The following LRRC72 variants were observed in gnomAD, a reference collection of about 807,000 sequenced individuals.
LRRC72 encodes the protein leucine rich repeat containing 72.
In LRRC72, 41 loss-of-function variants were observed where a neutral mutation model predicts 35.8. The observed-to-expected ratio is 1.15, with a 90% CI of 0.89 to 1.49. The LOEUF (loss-of-function observed/expected upper bound fraction) is 1.49. Ranked by LOEUF, LRRC72 falls within the 40% of genes most tolerant of loss-of-function variation. The pLI is 0.00. For missense variants in LRRC72, 389 were observed against 330.7 expected, an observed-to-expected ratio of 1.18 and a Z score of -1.37; for synonymous variants, 118 against 119.2, an observed-to-expected ratio of 0.99 and a Z score of 0.07.
intron 3 of LRRC72, among the ~76,000 whole-genome samples, chr7:16,547,285 AG>A (rs1392177163): frequency 3.3e-5 from 5 of 152,186 alleles, no homozygotes; most frequent in Admixed American, 3.3e-4. Flanking sequence ...CCACTGGTGG[AG>A]GAGCAGTGTG....
chr7:16,533,581 G>C (rs941064428), intron 2 of LRRC72, among the ~76,000 whole-genome samples: 1 of 151,992 alleles, frequency 6.6e-6, no homozygotes, highest in African/African-American at 2.4e-5. Flanking sequence ...TTCTTGTAAA[G>C]AAAATGCCTT....
At position 16,567,428 on chromosome 7, in the gene LRRC72, T is replaced by G. The variant is rs1447616615; in HGVS notation, c.555T>G (p.Ile185Met). Residue 185 changes from isoleucine (I) to methionine (M), a missense_variant, in exon 7 of 9, where the codon ATT (isoleucine) becomes ATG (methionine). Transcript: ENST00000401542. Reference sequence around the variant, plus strand: ...AAGAAAGAAGATCAATGATTACCATTTTTAACCATAAAAAGGCTCATATCG... The same window carrying G: ...AAGAAAGAAGATCAATGATTACCATGTTTAACCATAAAAAGGCTCATATCG... The part of the protein sequence containing the change: ...TEKERRSMIT[I>M]FNHKKAHIVQ... 7 of 1,515,152 alleles carry G rather than the reference T, an allele frequency of 4.6e-6. No individual in the cohort carries two copies. In the South Asian group the frequency reaches 9.0e-5, roughly 20 times the overall value. The allele number at this position is 1,515,152 out of a possible 1,614,324, so 93.9% of individuals were successfully genotyped here.
At chr7:16,537,823 A>T in intron 3 of LRRC72, 127 bp downstream of exon 3, 1 of 566,468 alleles carries the variant, frequency 1.8e-6, no homozygotes, top group South Asian at 2.6e-5. Context: ...TAAGAAACCC[A>T]TATAAAACAT....
chr7:16,568,509 G>A (rs1433313071), intron 7 of LRRC72, among the ~76,000 whole-genome samples: 1 of 152,076 alleles, frequency 6.6e-6, no homozygotes, highest in East Asian at 1.9e-4. Flanking sequence ...AGAAAGAGAA[G>A]GTCCAATATA....
intron 5 of LRRC72, among the ~76,000 whole-genome samples, chr7:16,559,894 A>C (rs1782716963): frequency 1.3e-5 from 2 of 152,170 alleles, no homozygotes; most frequent in African/African-American, 4.8e-5. Flanking sequence ...AAAAAAAAAA[A>C]ACTAAAAGAC....
At chr7:16,551,996 G>A (rs886455333) in intron 3 of LRRC72, among the ~76,000 whole-genome samples, 3 of 152,174 alleles carry the variant, frequency 2.0e-5, no homozygotes, top group African/African-American at 7.2e-5. Context: ...CAGGGAGATG[G>A]TGCAGAAATT....
At chr7:16,560,902 G>C (rs1305927074) in intron 5 of LRRC72, among the ~76,000 whole-genome samples, 1 of 151,878 alleles carries the variant, frequency 6.6e-6, no homozygotes, top group Non-Finnish European at 1.5e-5. Context: ...TGTCTTTCCT[G>C]TTAAAAAAAT....
chr7:16,532,890 A>C (rs1782193160), intron 2 of LRRC72: 1 of 328,450 alleles, frequency 3.0e-6, no homozygotes, highest in African/African-American at 2.1e-5. Flanking sequence ...ATCCAGTTGA[A>C]TTTGAATTTC....
chr7:16,568,218 T>C (rs116819114), intron 7 of LRRC72, among the ~76,000 whole-genome samples: 252 of 152,312 alleles, frequency 1.7e-3, no homozygotes, highest in African/African-American at 5.8e-3. Context: ...CTACTCTTAG[T>C]GTGCTTTATG....
intron 7 of LRRC72, among the ~76,000 whole-genome samples, chr7:16,571,280 G>C (rs1345864613): frequency 6.6e-6 from 1 of 152,186 alleles, no homozygotes; most frequent in African/African-American, 2.4e-5. Flanking sequence ...GGCCGTGAGG[G>C]AAGGGGGCTC....
intron 1 of LRRC72, chr7:16,530,528 G>C (rs73076771): frequency 1.3e-5 from 2 of 152,106 alleles, no homozygotes; most frequent in African/African-American, 4.8e-5. Context: ...GCATCCCCTA[G>C]TCCAGTCAAA....
chr7:16,567,924 A>G (rs1194203038), intron 7 of LRRC72, among the ~76,000 whole-genome samples: 5 of 152,176 alleles, frequency 3.3e-5, no homozygotes, highest in Admixed American at 1.3e-4. Context: ...TAGAAAAAAC[A>G]TGAAGAAGAA....
chr7:16,567,999 A>G (rs1782880342), intron 7 of LRRC72, among the ~76,000 whole-genome samples: 1 of 152,170 alleles, frequency 6.6e-6, no homozygotes, highest in South Asian at 2.1e-4. Context: ...TTATACTCAC[A>G]TACAGGGTCA....
At chr7:16,578,897 A>G (rs577847385) in intron 7 of LRRC72, among the ~76,000 whole-genome samples, 20 of 152,336 alleles carry the variant, frequency 1.3e-4, no homozygotes, top group Middle Eastern at 3.4e-3. Context: ...CCACTTATAT[A>G]TGGAATCTAA....
chr7:16,551,228 G>A (rs991723910), intron 3 of LRRC72, among the ~76,000 whole-genome samples: 3 of 152,088 alleles, frequency 2.0e-5, no homozygotes, highest in Non-Finnish European at 4.4e-5. Context: ...GGCCACCTAC[G>A]AGCCAATAAT....
At chr7:16,569,185 T>G (rs1395088676) in intron 7 of LRRC72, among the ~76,000 whole-genome samples, 2 of 152,118 alleles carry the variant, frequency 1.3e-5, no homozygotes, top group Non-Finnish European at 2.9e-5. Context: ...CCCAGCACTT[T>G]GGGAGGCCGA....
intron 7 of LRRC72, among the ~76,000 whole-genome samples, chr7:16,575,477 C>A (rs914827785): frequency 3.9e-5 from 6 of 152,130 alleles, no homozygotes; most frequent in Non-Finnish European, 7.4e-5. Flanking sequence ...GTGGTAGTAC[C>A]AGTGTGGGAT....
rs1783144318 is a variant in LRRC72, at chr7:16,581,554, A to G, written c.*65A>G. On this transcript the variant is annotated 3_prime_UTR_variant, in exon 9 of 9. Transcript: ENST00000401542. ...ATATTAAACTTCCCTGTGACTTAGC[A>G]TATTACATACTTACAATGATATTAT... The G allele has an allele frequency of 1.7e-6, 2 of 1,205,712 alleles. No homozygotes were observed. The highest frequency in any genetic ancestry group is 3.1e-5 in the Admixed American group (1 of 32,772). The allele number at this position is 1,205,712 out of a possible 1,614,324, so 74.7% of individuals were successfully genotyped here.
rs1014667128 is a variant in LRRC72 at position 16,566,371 on chromosome 7, C to T, written c.486C>T (p.His162=). The T allele has an allele frequency of 1.9e-6, 3 of 1,547,074 alleles. No homozygotes were observed. Among genetic ancestry groups the T allele is most frequent in the Non-Finnish European group, 2.6e-6 (3 of 1,145,706 alleles). Residue 162 remains histidine (H), a synonymous_variant, in exon 6 of 9, where the codon CAC becomes CAT. Transcript: ENST00000401542. ...TGTATCGTTTATATATCATCTACCA[C>T]CTTCCAGGAGTGGAGCTGCTTGACC... ...YNLYRLYIIY[H]LPGVELLDRN...
Sources: allele counts gnomAD v4.1 joint callset (sites outside exome capture counted in the v4.1 genomes callset), GRCh38; gene constraint gnomAD v4.1.1; transcripts MANE v1.5; gene names NCBI Gene and HGNC (gene_info 2026-07-23, HGNC 2026-07-21).